AMBRA1: variants seen among roughly 807,000 people sequenced by gnomAD.
AMBRA1 encodes the protein activating molecule in BECN1-regulated autophagy protein 1.
In AMBRA1, 47 loss-of-function variants were observed where a neutral mutation model predicts 125.4. The ratio of observed to expected loss-of-function variants is 0.37; its 90% CI spans 0.30 to 0.48. The LOEUF (loss-of-function observed/expected upper bound fraction) is 0.48. Ranked by LOEUF, AMBRA1 falls within the 20% of genes least tolerant of loss-of-function variation. The probability of loss-of-function intolerance (pLI) is 0.99; values close to 1 mark genes in which losing one functional copy is unlikely to be tolerated. For missense variants in AMBRA1, 1,331 were observed against 1,693.4 expected, an observed-to-expected ratio of 0.79 and a Z score of 3.76; for synonymous variants, 626 against 655.5, an observed-to-expected ratio of 0.95 and a Z score of 0.69.
chr11:46,563,610 C>T (rs908074913), intron 1 of AMBRA1, among the ~76,000 whole-genome samples: 3 of 152,110 alleles, frequency 2.0e-5, no homozygotes, highest in Non-Finnish European at 2.9e-5. Context: ...GAAACAGAGG[C>T]GGCCAGATCA....
At chr11:46,559,354 C>T (rs1404690261) in intron 1 of AMBRA1, among the ~76,000 whole-genome samples, 1 of 151,972 alleles carries the variant, frequency 6.6e-6, no homozygotes, top group Non-Finnish European at 1.5e-5. Flanking sequence ...CATTACCAAC[C>T]TAATTTCAGC....
intron 17 of AMBRA1, among the ~76,000 whole-genome samples, chr11:46,404,284 C>T (rs951714789): frequency 2.0e-5 from 3 of 152,196 alleles, no homozygotes; most frequent in Non-Finnish European, 4.4e-5. Context: ...GAGCTGAACT[C>T]CCTGACCAGA....
At chr11:46,591,717 G>T (rs1161084623) in intron 1 of AMBRA1, among the ~76,000 whole-genome samples, 1 of 151,682 alleles carries the variant, frequency 6.6e-6, no homozygotes, top group Non-Finnish European at 1.5e-5. Context: ...TTAGCTGGGC[G>T]TGGTGGCGAC....
intron 15 of AMBRA1, 145 bp downstream of exon 15, chr11:46,417,768 G>A: frequency 1.1e-6 from 1 of 912,016 alleles, no homozygotes. Flanking sequence ...TGTGGGAAGA[G>A]GGCCCTTTAA....
chr11:46,543,216 G>A lies in AMBRA1; in HGVS notation c.801C>T (p.Thr267=). 1 of 1,608,700 alleles carries A rather than the reference G, an allele frequency of 6.2e-7. No homozygotes were observed. Among genetic ancestry groups the A allele is most frequent in the Non-Finnish European group, 8.5e-7 (1 of 1,177,862 alleles). Residue 267 remains threonine, a synonymous_variant, in exon 7 of 18, where the codon ACC becomes ACT. Coordinates refer to ENST00000683756, the MANE Select transcript of AMBRA1 (RefSeq NM_001387011.1). ...GEQSTVQDSA[T]PSPPPPPPQP... ...GAGGGGGAGGCGGTGGGGGTGAGGG[G>A]GTAGCAGAATCTTGCACTGTGCTTT... is the stretch of plus-strand genomic sequence containing the variant.
Position 46,543,409 on chromosome 11 carries a change from G to T in AMBRA1, c.619-11C>A. The stretch of plus-strand genomic sequence containing the variant: ...TGGTTCGTCATCACCCTGCAACGTG[G>T]ACCAGCATGGGGCAGGGGGTAGAGC... On this transcript the variant is annotated splice_polypyrimidine_tract_variant and intron_variant, in intron 6 of 17. Transcript: ENST00000683756. 1 of 1,613,190 alleles carries T rather than the reference G, an allele frequency of 6.2e-7. No homozygotes were observed. The highest frequency in any genetic ancestry group is 1.1e-5 in the South Asian group (1 of 91,026).
chr11:46,398,612 G>A (rs1004841955), intron 17 of AMBRA1, among the ~76,000 whole-genome samples: 1 of 151,934 alleles, frequency 6.6e-6, no homozygotes, highest in African/African-American at 2.4e-5. Flanking sequence ...GGCCTCCTGA[G>A]TAACTACAGG....
intron 1 of AMBRA1, among the ~76,000 whole-genome samples, chr11:46,562,797 T>C (rs770196052): frequency 1.5e-4 from 22 of 142,392 alleles, no homozygotes; most frequent in Admixed American, 1.2e-3. Context: ...TAATGCAACA[T>C]TGGTTCTTTT....
At chr11:46,508,092 G>A in intron 9 of AMBRA1, 99 bp downstream of exon 9, 1 of 1,281,132 alleles carries the variant, frequency 7.8e-7, no homozygotes, top group Non-Finnish European at 1.1e-6. Flanking sequence ...GAGGAGTTGG[G>A]AGCAAGAACA....
rs949941105 is a variant in AMBRA1, at chr11:46,428,934, T to C, written c.2976+4540A>G. On this transcript the variant is annotated intron_variant, in intron 14 of 17. Coordinates refer to ENST00000683756, the MANE Select transcript of AMBRA1 (RefSeq NM_001387011.1). ...TCACGGAGATACTGGATACCCTCAT[T>C]GGTAAGGTACCAGTAGAAATGTCTC... The C allele has an allele frequency of 1.5e-5, 24 of 1,611,996 alleles. No homozygotes were observed. In the African/African-American group the frequency reaches 3.1e-4, roughly 21 times the overall value.
intron 14 of AMBRA1, among the ~76,000 whole-genome samples, chr11:46,421,585 G>A (rs1184835510): frequency 1.3e-5 from 2 of 152,130 alleles, no homozygotes; most frequent in East Asian, 3.9e-4. Context: ...TGAAACCAAT[G>A]GACACTTGAA....
intron 14 of AMBRA1, among the ~76,000 whole-genome samples, chr11:46,420,256 TCTAA>T (rs1946788927): frequency 6.6e-6 from 1 of 152,174 alleles, no homozygotes; most frequent in African/African-American, 2.4e-5. Context: ...AAATCTTTGC[TCTAA>T]CTGAGGAGAC....
At chr11:46,571,684 AATCT>A (rs1279549609) in intron 1 of AMBRA1, among the ~76,000 whole-genome samples, 1 of 134,000 alleles carries the variant, frequency 7.5e-6, no homozygotes. Context: ...TCAATCAATC[AATCT>A]TTTTTTTTTT....
At chr11:46,525,214 T>C (rs1168606450) in intron 7 of AMBRA1, among the ~76,000 whole-genome samples, 1 of 152,106 alleles carries the variant, frequency 6.6e-6, no homozygotes, top group African/African-American at 2.4e-5. Flanking sequence ...GGCAAGAGGA[T>C]TCCTTGGGCC....
chr11:46,424,924 C>T (rs1233471005), intron 14 of AMBRA1, among the ~76,000 whole-genome samples: 1 of 152,132 alleles, frequency 6.6e-6, no homozygotes, highest in Non-Finnish European at 1.5e-5. Flanking sequence ...ATCACGAGGT[C>T]AGGAGTTCAA....
intron 14 of AMBRA1, among the ~76,000 whole-genome samples, chr11:46,432,472 A>C (rs1243364821): frequency 1.3e-5 from 2 of 152,164 alleles, no homozygotes; most frequent in Non-Finnish European, 2.9e-5. Flanking sequence ...AGAGGAAAGG[A>C]CCACACCAGG....
chr11:46,567,015 A>C (rs759353117), intron 1 of AMBRA1, among the ~76,000 whole-genome samples: 3 of 152,154 alleles, frequency 2.0e-5, no homozygotes, highest in Admixed American at 1.3e-4. Flanking sequence ...GCCCTGTCTC[A>C]AGAAAATAAA....
At chr11:46,488,013 T>C (rs1950321289) in intron 11 of AMBRA1, among the ~76,000 whole-genome samples, 1 of 152,228 alleles carries the variant, frequency 6.6e-6, no homozygotes, top group Admixed American at 6.5e-5. Flanking sequence ...GCAGTAGCTA[T>C]ATTAATATAA....
At chr11:46,535,937 G>C (rs538817964) in intron 7 of AMBRA1, among the ~76,000 whole-genome samples, 5 of 152,274 alleles carry the variant, frequency 3.3e-5, no homozygotes, top group Admixed American at 2.6e-4. Context: ...CACAAGTTAG[G>C]AACATAGCAC....
Sources: gnomAD v4.1 joint callset for allele counts (sites outside exome capture counted in the v4.1 genomes callset) on GRCh38, gnomAD v4.1.1 for gene constraint, MANE v1.5 for transcripts, NCBI Gene and HGNC (gene_info 2026-07-23, HGNC 2026-07-21) for gene names.